The following CDH10 variants were observed in gnomAD, a reference collection of about 807,000 sequenced individuals.
CDH10 encodes cadherin 10.
Under a neutral mutation model 73.1 loss-of-function variants are expected in CDH10, and 30 were observed. That is an observed-to-expected ratio of 0.41 (90% CI 0.31 to 0.56). The LOEUF (loss-of-function observed/expected upper bound fraction) is 0.56. Among genes scored for constraint, CDH10 ranks in the 20% least tolerant of loss-of-function variants. CDH10 has a pLI of 0.27. For missense variants in CDH10, 815 were observed against 973.7 expected (o/e 0.84, Z 2.17); for synonymous variants, 345 against 348.2 (o/e 0.99, Z 0.10).
chr5:24,535,719 A>G lies in CDH10; in HGVS notation c.630T>C (p.Ser210=). Reference sequence around the variant, plus strand: ...ATTCCTGACCTGTTTCAGGCTCCACAGAGAAATAGGGCTGCCCTTGAAGTA... The same window carrying G: ...ATTCCTGACCTGTTTCAGGCTCCACGGAGAAATAGGGCTGCCCTTGAAGTA... ...YSILQGQPYF[S]VEPETGIIRT... is the part of the protein sequence containing the mutation. Residue 210 remains serine (S), a synonymous_variant, in exon 4 of 12, where the codon TCT becomes TCC. Coordinates refer to ENST00000264463, the MANE Select transcript of CDH10 (RefSeq NM_006727.5). 6.2e-7 allele frequency: 1 copy of G among 1,611,168 alleles called. No individual in the cohort carries two copies. The highest frequency in any genetic ancestry group is 8.5e-7 in the Non-Finnish European group (1 of 1,178,372).
At chr5:24,617,983 G>A (rs551444995) in intron 1 of CDH10, among the ~76,000 whole-genome samples, 1 of 152,136 alleles carries the variant, frequency 6.6e-6, no homozygotes, top group African/African-American at 2.4e-5. Flanking sequence ...AAAATGTTAT[G>A]TGATTTTATC....
At chr5:24,586,947 C>T (rs1184092456) in intron 2 of CDH10, among the ~76,000 whole-genome samples, 2 of 147,242 alleles carry the variant, frequency 1.4e-5, no homozygotes, top group African/African-American at 2.6e-5. Context: ...CGGGTTCACG[C>T]CATTCTCCTG....
chr5:24,510,511 G>C (rs915456228), intron 6 of CDH10, among the ~76,000 whole-genome samples: 4 of 152,112 alleles, frequency 2.6e-5, no homozygotes, highest in Non-Finnish European at 4.4e-5. Context: ...TATTAGTTCA[G>C]ATTCCCTCGA....
intron 10 of CDH10, among the ~76,000 whole-genome samples, chr5:24,492,497 C>T (rs1202594551): frequency 6.6e-6 from 1 of 152,156 alleles, no homozygotes; most frequent in Non-Finnish European, 1.5e-5. Context: ...TTAAGAGTCT[C>T]ACTGAATCAT....
At chr5:24,629,024 T>C (rs567072569) in intron 1 of CDH10, among the ~76,000 whole-genome samples, 1 of 152,280 alleles carries the variant, frequency 6.6e-6, no homozygotes, top group South Asian at 2.1e-4. Flanking sequence ...CTCAAAGATA[T>C]GTCTCTTAGT....
chr5:24,528,205 T>A (rs1047753700), intron 5 of CDH10, among the ~76,000 whole-genome samples: 2 of 151,890 alleles, frequency 1.3e-5, no homozygotes, highest in Non-Finnish European at 2.9e-5. Context: ...TGCTTTTGCA[T>A]GTAAGTAGGT....
chr5:24,545,023 T>C (rs1344086936), intron 2 of CDH10, among the ~76,000 whole-genome samples: 1 of 152,172 alleles, frequency 6.6e-6, no homozygotes, highest in Admixed American at 6.6e-5. Flanking sequence ...TAACGAACCC[T>C]CCTTCTAAGT....
At chr5:24,628,867 C>G (rs1579486481) in intron 1 of CDH10, among the ~76,000 whole-genome samples, 1 of 149,228 alleles carries the variant, frequency 6.7e-6, no homozygotes, top group African/African-American at 2.5e-5. Context: ...CACACACACA[C>G]ACACACAGAC....
intron 1 of CDH10, among the ~76,000 whole-genome samples, chr5:24,610,161 T>C (rs1446244454): frequency 6.6e-6 from 1 of 152,346 alleles, no homozygotes; most frequent in Admixed American, 6.5e-5. Flanking sequence ...AACTTTCTTA[T>C]GTTGCCAATT....
At chr5:24,609,516 C>T (rs1331688473) in intron 1 of CDH10, among the ~76,000 whole-genome samples, 1 of 152,148 alleles carries the variant, frequency 6.6e-6, no homozygotes, top group Non-Finnish European at 1.5e-5. Flanking sequence ...CAACAGACTT[C>T]AGCAGGAGAT....
intron 3 of CDH10, among the ~76,000 whole-genome samples, chr5:24,536,757 C>A (rs566333066): frequency 1.1e-4 from 17 of 151,984 alleles, no homozygotes; most frequent in Admixed American, 8.5e-4. Flanking sequence ...TTTACAGGTT[C>A]CACAATCTAA....
intron 11 of CDH10, 78 bp downstream of exon 11, chr5:24,491,498 G>A (rs1402516814): frequency 3.1e-6 from 4 of 1,305,942 alleles, no homozygotes; most frequent in South Asian, 3.0e-5. Context: ...TTTGGGGGAG[G>A]GATTTTAATA....
At chr5:24,558,137 A>C (rs996700255) in intron 2 of CDH10, among the ~76,000 whole-genome samples, 1 of 151,820 alleles carries the variant, frequency 6.6e-6, no homozygotes, top group Admixed American at 6.6e-5. Flanking sequence ...CAGATCACTT[A>C]AGTGTTGGAA....
chr5:24,596,218 C>T (rs1011651168), intron 1 of CDH10, among the ~76,000 whole-genome samples: 2 of 151,906 alleles, frequency 1.3e-5, no homozygotes, highest in African/African-American at 4.8e-5. Flanking sequence ...AACATTGTGA[C>T]TTTAGTATAA....
At chr5:24,543,597 T>TGGTATCA (rs1465422500) in intron 2 of CDH10, among the ~76,000 whole-genome samples, 1 of 152,156 alleles carries the variant, frequency 6.6e-6, no homozygotes, top group African/African-American at 2.4e-5. Context: ...CCTCTCCTGG[T>TGGTATCA]GGTATCATTA....
chr5:24,504,678 A>T (rs1325606264), intron 8 of CDH10, among the ~76,000 whole-genome samples: 1 of 151,662 alleles, frequency 6.6e-6, no homozygotes, highest in African/African-American at 2.4e-5. Flanking sequence ...GGCGCCCGCC[A>T]CCATGCCCGG....
At chr5:24,540,405 T>C (rs1744109244) in intron 2 of CDH10, among the ~76,000 whole-genome samples, 1 of 151,962 alleles carries the variant, frequency 6.6e-6, no homozygotes, top group Admixed American at 6.6e-5. Context: ...TTTTAATTTT[T>C]AGAAAGCTCA....
chr5:24,629,029 C>T (rs1747611453), intron 1 of CDH10, among the ~76,000 whole-genome samples: 1 of 152,072 alleles, frequency 6.6e-6, no homozygotes, highest in South Asian at 2.1e-4. Context: ...AGATATGTCT[C>T]TTAGTTTTTC....
chr5:24,573,692 C>T (rs1186748440), intron 2 of CDH10, among the ~76,000 whole-genome samples: 26 of 138,004 alleles, frequency 1.9e-4, no homozygotes, highest in Non-Finnish European at 3.9e-4. Context: ...CAGAGCGAGA[C>T]TCCATCTCAA....
Sources: allele counts gnomAD v4.1 joint callset (sites outside exome capture counted in the v4.1 genomes callset), GRCh38; gene constraint gnomAD v4.1.1; transcripts MANE v1.5; gene names NCBI Gene and HGNC (gene_info 2026-07-23, HGNC 2026-07-21).